SULT1A1: variants seen among roughly 807,000 people sequenced by gnomAD.
The protein encoded by SULT1A1 is sulfotransferase 1A1.
In SULT1A1, 35 loss-of-function variants were observed where a neutral mutation model predicts 36.8. The observed-to-expected ratio is 0.95, with a 90% CI of 0.73 to 1.26. The LOEUF (loss-of-function observed/expected upper bound fraction) is 1.26, where lower values mean the gene tolerates loss of function less well. Among genes scored for constraint, SULT1A1 ranks in the 50% most tolerant of loss-of-function variants. SULT1A1 has a pLI of 0.00. For missense variants in SULT1A1, 309 were observed against 383.0 expected (o/e 0.81, Z 1.61); for synonymous variants, 119 against 146.0 (o/e 0.82, Z 1.33).
intron 1 of SULT1A1, among the ~76,000 whole-genome samples, chr16:28,621,107 G>C (rs780958331): frequency 3.3e-5 from 5 of 150,684 alleles, no homozygotes; most frequent in Non-Finnish European, 7.4e-5. Context: ...GCGAGACTCT[G>C]TCTCCCAAAA....
intron 2 of SULT1A1, chr16:28,620,000 T>TGTGTGA: frequency 7.2e-7 from 1 of 1,394,048 alleles, no homozygotes; most frequent in South Asian, 1.2e-5. Context: ...ATATTGTGTG[T>TGTGTGA]GTGTGTGTGT....
chr16:28,606,390 G>A (rs1436766891), intron 6 of SULT1A1, among the ~76,000 whole-genome samples, 154 bp from the exon 7 acceptor site: 1 of 151,862 alleles, frequency 6.6e-6, no homozygotes, highest in East Asian at 1.9e-4. Flanking sequence ...AGTCCCGGGG[G>A]TAAAAAGAAT....
intron 4 of SULT1A1, chr16:28,607,770 T>C (rs1260505966): frequency 1.3e-5 from 2 of 151,180 alleles, no homozygotes; most frequent in African/African-American, 4.9e-5. Context: ...GCTCAAGCAA[T>C]CCTCCAACCT....
intron 1 of SULT1A1, chr16:28,623,107 C>CGGGGGGGG: frequency 1.3e-6 from 2 of 1,509,634 alleles, no homozygotes; most frequent in Middle Eastern, 1.8e-4. Context: ...TCCCACCCCC[C>CGGGGGGGG]AGGTTCCCCC....
chr16:28,615,926 T>C (rs1272745371), intron 2 of SULT1A1, among the ~76,000 whole-genome samples: 1 of 152,210 alleles, frequency 6.6e-6, no homozygotes, highest in African/African-American at 2.4e-5. Flanking sequence ...AATTTACCAC[T>C]GCTATCTAGA....
intron 1 of SULT1A1, among the ~76,000 whole-genome samples, chr16:28,621,774 C>G (rs1366048492): frequency 6.6e-6 from 1 of 152,046 alleles, no homozygotes; most frequent in Non-Finnish European, 1.5e-5. Context: ...GATTTTCTCC[C>G]CAGTTACCCA....
At chr16:28,609,909 G>A in intron 1 of SULT1A1, 22 bp downstream of exon 1, 1 of 1,280,402 alleles carries the variant, frequency 7.8e-7, no homozygotes. Context: ...GGCGCCCTGG[G>A]CCGTTCCACT....
chr16:28,622,678 C>T (rs3928524), intron 1 of SULT1A1, among the ~76,000 whole-genome samples: 3,480 of 152,160 alleles, frequency 0.023, 131 homozygotes, highest in African/African-American at 0.079. Context: ...TTCTGAACAG[C>T]AGGTCGGTTC....
intron 2 of SULT1A1, among the ~76,000 whole-genome samples, chr16:28,616,408 T>C (rs1045527825): frequency 6.6e-6 from 1 of 152,176 alleles, no homozygotes; most frequent in African/African-American, 2.4e-5. Context: ...TGACTCAGCC[T>C]CTTGAGTAGC....
chr16:28,620,850 C>G (rs1451512698), intron 1 of SULT1A1, among the ~76,000 whole-genome samples: 1 of 152,078 alleles, frequency 6.6e-6, no homozygotes, highest in Non-Finnish European at 1.5e-5. Context: ...GTGGCTCATG[C>G]CTGTAATCCC....
At chr16:28,610,086 G>T (rs758762275), upstream of SULT1A1, 9 of 1,284,816 alleles carry the variant, frequency 7.0e-6, no homozygotes, top group Admixed American at 2.1e-4. Context: ...ATTTGCTTCC[G>T]GAAGGAAGGG....
At position 28,605,458 on chromosome 16, in the gene SULT1A1, G is replaced by C; in HGVS notation, c.*363C>G. The C allele has an allele frequency of 2.7e-6, 1 of 367,194 alleles. No homozygotes were observed. 22.7% of individuals were successfully genotyped at this position (367,194 alleles called of 1,614,324 possible). ...GATAATTTTCTCAAATTTTTGTAGG[G>C]ATGATGTCTTGTAATGTTGAACAGG... On this transcript the variant is annotated 3_prime_UTR_variant, in exon 8 of 8. Coordinates refer to ENST00000314752, the MANE Select transcript of SULT1A1 (RefSeq NM_001055.4).
upstream of SULT1A1, chr16:28,610,263 T>A: frequency 1.2e-6 from 1 of 820,474 alleles, no homozygotes; most frequent in Non-Finnish European, 1.6e-6. Flanking sequence ...TTTTTTTTTC[T>A]GTTTTTTTTT....
chr16:28,620,052 G>T (rs374880873), intron 2 of SULT1A1: 34 of 1,609,128 alleles, frequency 2.1e-5, no homozygotes, highest in Non-Finnish European at 2.7e-5. Context: ...ATTTTCAAAC[G>T]CCTGTCTTAC....
chr16:28,617,979 C>T (rs6498089), intron 2 of SULT1A1, among the ~76,000 whole-genome samples: 90,542 of 151,248 alleles, frequency 0.6, 28,095 homozygotes, highest in East Asian at 0.94. Flanking sequence ...AATATTCCTG[C>T]GGTTTTGTTC....
At chr16:28,620,892 C>G (rs78070988) in intron 1 of SULT1A1, among the ~76,000 whole-genome samples, 1 of 152,084 alleles carries the variant, frequency 6.6e-6, no homozygotes, top group Non-Finnish European at 1.5e-5. Context: ...GAGCGGATCA[C>G]CTGAGGTCAG....
rs1464858750 is a variant in SULT1A1, at chr16:28,609,186, C to T, written c.-4-327G>A. ...GAAGGTCTCCAGGAGAGTCCAGCTGCACTGAGGAAGCTCTAGGACCTTCCT... is the reference window on the plus strand; with the variant it reads ...GAAGGTCTCCAGGAGAGTCCAGCTGTACTGAGGAAGCTCTAGGACCTTCCT... On this transcript the variant is annotated intron_variant, in intron 1 of 7. Coordinates refer to ENST00000314752, the MANE Select transcript of SULT1A1 (RefSeq NM_001055.4). 109 of 1,343,624 alleles carry T rather than the reference C, an allele frequency of 8.1e-5. 1 individual carries two copies. The highest frequency in any genetic ancestry group is 5.7e-4 in the Middle Eastern group (2 of 3,516). The allele number at this position is 1,343,624 out of a possible 1,614,324, so 83.2% of individuals were successfully genotyped here.
Position 28,623,359 on chromosome 16 carries a change from C to G in SULT1A1, c.-162G>C, listed in dbSNP as rs1334742324. 10 of 1,490,014 alleles carry G rather than the reference C, an allele frequency of 6.7e-6. No individual in the cohort carries two copies. In the African/African-American group the frequency reaches 1.4e-4, roughly 21 times the overall value. 92.3% of individuals were successfully genotyped at this position (1,490,014 alleles called of 1,614,324 possible). On this transcript the variant is annotated 5_prime_UTR_variant, in exon 1 of 6. Transcript: ENST00000350842. ...TGCTGCAGCACGTCCCCGGCGGAGA[C>G]GAGCGAGCTACGGCACGCTCGTAGA...
Position 28,609,993 on chromosome 16 carries a change from T to C in SULT1A1, c.-67A>G, listed in dbSNP as rs2151701589. ...CCGCAGTGGCTGATTGTGGGTGTTG[T>C]GTGGGGAATGCAGGGTTGTTCTCTG... On this transcript the variant is annotated 5_prime_UTR_variant, in exon 1 of 8. Coordinates refer to ENST00000314752, the MANE Select transcript of SULT1A1 (RefSeq NM_001055.4). 7.8e-7 allele frequency: 1 copy of C among 1,287,338 alleles called. No homozygotes were observed. The allele number at this position is 1,287,338 out of a possible 1,614,324, so 79.7% of individuals were successfully genotyped here.
Sources: gnomAD v4.1 joint callset for allele counts (sites outside exome capture counted in the v4.1 genomes callset) on GRCh38, gnomAD v4.1.1 for gene constraint, MANE v1.5 for transcripts, NCBI Gene and HGNC (gene_info 2026-07-23, HGNC 2026-07-21) for gene names.